OLFM3: variants seen among roughly 807,000 people sequenced by gnomAD.
OLFM3 encodes the protein noelin-3.
Under a neutral mutation model 48.6 loss-of-function variants are expected in OLFM3, and 20 were observed. The ratio of observed to expected loss-of-function variants is 0.41; its 90% CI spans 0.29 to 0.60. The LOEUF is 0.60. Among genes scored for constraint, OLFM3 ranks in the 20% least tolerant of loss-of-function variants. The probability of loss-of-function intolerance (pLI) is 0.28; values close to 1 mark genes in which losing one functional copy is unlikely to be tolerated. For synonymous variants in OLFM3, 222 were observed against 198.1 expected (o/e 1.12, Z -1.01); for missense variants, 437 against 544.3 (o/e 0.80, Z 1.96).
Position 101,996,862 on chromosome 1 carries a change from C to G in OLFM3, c.-46G>C. Reference sequence around the variant, plus strand: ...CTCTTTACTCTCTTTTATGTAGGCTCTCCACTCACTGCAGAGACCTTTCCC... The same window carrying G: ...CTCTTTACTCTCTTTTATGTAGGCTGTCCACTCACTGCAGAGACCTTTCCC... On this transcript the variant is annotated 5_prime_UTR_variant, in exon 1 of 6. Coordinates refer to ENST00000370103, the MANE Select transcript of OLFM3 (RefSeq NM_058170.4). 1 of 1,588,402 alleles carries G rather than the reference C, an allele frequency of 6.3e-7. No homozygotes were observed. Among genetic ancestry groups the G allele is most frequent in the Non-Finnish European group, 8.6e-7 (1 of 1,158,042 alleles).
At chr1:101,815,081 T>G (rs1309974830) in intron 4 of OLFM3, among the ~76,000 whole-genome samples, 1 of 152,186 alleles carries the variant, frequency 6.6e-6, no homozygotes, top group Non-Finnish European at 1.5e-5. Flanking sequence ...TGGATTATTT[T>G]AAAGGGGGAG....
chr1:101,850,684 C>G, intron 1 of OLFM3, among the ~76,000 whole-genome samples: 1 of 151,820 alleles, frequency 6.6e-6, no homozygotes, highest in East Asian at 1.9e-4. Flanking sequence ...AGAAAATAAA[C>G]AGTTAATGAG....
intron 1 of OLFM3, among the ~76,000 whole-genome samples, chr1:101,969,772 G>A (rs764946018): frequency 4.0e-5 from 6 of 151,832 alleles, no homozygotes; most frequent in Non-Finnish European, 8.8e-5. Flanking sequence ...AGATGTGTCC[G>A]TGTCTATGTC....
At chr1:101,862,381 G>C (rs1323727664) in intron 1 of OLFM3, among the ~76,000 whole-genome samples, 4 of 152,188 alleles carry the variant, frequency 2.6e-5, no homozygotes, top group Non-Finnish European at 5.9e-5. Context: ...TCATAGGCTT[G>C]TACAAATAAA....
intron 1 of OLFM3, among the ~76,000 whole-genome samples, chr1:101,954,713 A>G (rs539969390): frequency 6.6e-6 from 1 of 152,254 alleles, no homozygotes; most frequent in South Asian, 2.1e-4. Flanking sequence ...CCTTTCCTCA[A>G]GAATGAAGTC....
At position 101,812,263 on chromosome 1, in the gene OLFM3, A is replaced by G. The variant is rs541698726; in HGVS notation, c.593-6081T>C. 3.5e-5 allele frequency: 8 copies of G among 225,928 alleles called. No homozygotes were observed. In the South Asian group the frequency reaches 1.1e-3, roughly 32 times the overall value. 14.0% of individuals were successfully genotyped at this position (225,928 alleles called of 1,614,324 possible). Reference sequence around the variant, plus strand: ...GACGAGTTAATGGGTGCAGCATACCAACATGGCACAGGTATACATATGTAA... The same window carrying G: ...GACGAGTTAATGGGTGCAGCATACCGACATGGCACAGGTATACATATGTAA... On this transcript the variant is annotated intron_variant, in intron 4 of 5. Coordinates refer to ENST00000370103, the MANE Select transcript of OLFM3 (RefSeq NM_058170.4).
chr1:101,982,424 G>C (rs1661128714), intron 1 of OLFM3, among the ~76,000 whole-genome samples: 1 of 152,168 alleles, frequency 6.6e-6, no homozygotes, highest in African/African-American at 2.4e-5. Context: ...TATAAAGATA[G>C]AGAATATAGA....
chr1:101,835,595 G>A (rs533493590), intron 2 of OLFM3, among the ~76,000 whole-genome samples: 374 of 152,324 alleles, frequency 2.5e-3, no homozygotes, highest in South Asian at 8.5e-3. Flanking sequence ...GATTACAGGC[G>A]TGAGCCAGCA....
At chr1:101,991,531 G>A (rs1225540201) in intron 1 of OLFM3, among the ~76,000 whole-genome samples, 1 of 151,962 alleles carries the variant, frequency 6.6e-6, no homozygotes, top group Admixed American at 6.6e-5. Context: ...CTGCCTAGAA[G>A]AGTCAGTAAC....
chr1:101,885,396 G>C (rs1370026247), intron 1 of OLFM3, among the ~76,000 whole-genome samples: 1 of 151,892 alleles, frequency 6.6e-6, no homozygotes, highest in Non-Finnish European at 1.5e-5. Context: ...TAAAGCAAAT[G>C]ATGGAAAAAG....
At chr1:101,813,047 C>G in intron 4 of OLFM3, 1 of 1,253,312 alleles carries the variant, frequency 8.0e-7, no homozygotes, top group Non-Finnish European at 1.0e-6. Flanking sequence ...CAAAGGTGAA[C>G]AGGGAGGCAA....
At chr1:101,828,010 CT>C (rs1654945052) in intron 3 of OLFM3, among the ~76,000 whole-genome samples, 1 of 39,772 alleles carries the variant, frequency 2.5e-5, no homozygotes, top group Admixed American at 2.4e-4. Context: ...TGCATTCATG[CT>C]CTCTCTCTCT....
intron 1 of OLFM3, among the ~76,000 whole-genome samples, chr1:101,908,425 CT>C (rs1240325731): frequency 1.3e-5 from 2 of 152,126 alleles, no homozygotes; most frequent in East Asian, 1.9e-4. Context: ...AATTTCACAC[CT>C]TTTATTGGAA....
At chr1:101,951,227 G>T (rs1445932342) in intron 1 of OLFM3, among the ~76,000 whole-genome samples, 4 of 152,284 alleles carry the variant, frequency 2.6e-5, no homozygotes, top group Admixed American at 2.6e-4. Flanking sequence ...GATCAAATGA[G>T]ATAAATACAC....
intron 1 of OLFM3, among the ~76,000 whole-genome samples, chr1:101,892,748 T>A (rs1658053750): frequency 6.6e-6 from 1 of 152,050 alleles, no homozygotes. Flanking sequence ...TCTTCTTTTC[T>A]TCTTTACTGT....
intron 1 of OLFM3, among the ~76,000 whole-genome samples, chr1:101,942,106 T>G (rs1167526197): frequency 6.6e-6 from 1 of 152,230 alleles, no homozygotes; most frequent in Non-Finnish European, 1.5e-5. Flanking sequence ...GCTATAAGTA[T>G]AAAAGCCCAG....
intron 4 of OLFM3, among the ~76,000 whole-genome samples, chr1:101,821,584 T>C (rs1385925310): frequency 5.3e-5 from 8 of 152,068 alleles, no homozygotes; most frequent in Admixed American, 6.6e-5. Flanking sequence ...CAATAAGTGG[T>C]TAATTGACCT....
chr1:101,855,470 A>C (rs1232149268), intron 1 of OLFM3, among the ~76,000 whole-genome samples: 1 of 152,004 alleles, frequency 6.6e-6, no homozygotes, highest in South Asian at 2.1e-4. Context: ...ATAGGTATGC[A>C]AAAAAATAGC....
At chr1:101,840,228 A>C (rs1026286258) in intron 1 of OLFM3, among the ~76,000 whole-genome samples, 4 of 152,204 alleles carry the variant, frequency 2.6e-5, no homozygotes, top group Admixed American at 2.0e-4. Flanking sequence ...AGGAATAGCA[A>C]TCATTAATGG....
Sources: allele counts gnomAD v4.1 joint callset (sites outside exome capture counted in the v4.1 genomes callset), GRCh38; gene constraint gnomAD v4.1.1; transcripts MANE v1.5; gene names NCBI Gene and HGNC (gene_info 2026-07-23, HGNC 2026-07-21).